Variants in DNAAF9 observed in about 807,000 individuals in gnomAD.
The protein encoded by DNAAF9 is dynein axonemal assembly factor 9.
In DNAAF9, 90 loss-of-function variants were observed where a neutral mutation model predicts 167.0. The observed-to-expected ratio is 0.54, with a 90% confidence interval of 0.45 to 0.64. DNAAF9 has a LOEUF of 0.64. DNAAF9 is among the 30% of genes least tolerant of loss of function. DNAAF9 has a pLI of 0.00. For missense variants in DNAAF9, 1,315 were observed against 1,442.2 expected (o/e 0.91, Z 1.43); for synonymous variants, 491 against 508.8 (o/e 0.96, Z 0.47).
chr20:3,318,337 C>T lies in DNAAF9; in HGVS notation c.1420G>A (p.Val474Ile). 1.2e-6 allele frequency: 2 copies of T among 1,604,262 alleles called. No homozygotes were observed. Among genetic ancestry groups the T allele is most frequent in the South Asian group, 1.1e-5 (1 of 90,838 alleles). ...GAAGTCAAAAATGATTCAGAGAAAA[C>T]CACAGATCCTAAACAACCATTGCCT... ...LGGNGCLGSV[V>I]FSESFLTSQI... The change falls in exon 17 of 37, where the codon GTT (valine) becomes ATT (isoleucine). Residue 474 changes from valine to isoleucine, a missense_variant. Val to Ile is a conservative substitution (Grantham distance 29, BLOSUM62 3). This residue lies in a region of DNAAF9 where 981 missense variants were observed against 1,012.5 expected (regional missense o/e 0.97). Transcript: ENST00000252032.
intron 33 of DNAAF9, among the ~76,000 whole-genome samples, chr20:3,257,967 G>A (rs1313769503): frequency 6.6e-6 from 1 of 152,016 alleles, no homozygotes; most frequent in African/African-American, 2.4e-5. Context: ...GGCCTCAAAT[G>A]ATCTGCCTGC....
chr20:3,352,846 T>TTATA lies in DNAAF9; in HGVS notation c.691-4227_691-4224dup, dbSNP rs11471503. On this transcript the variant is annotated intron_variant, in intron 7 of 36. Coordinates refer to ENST00000252032, the MANE Select transcript of DNAAF9 (RefSeq NM_001009984.3). ...GTTTAAATCTATGAGTTCAAAATAT[T>TTATA]TATATATATATATATATGCATAAAT... Among the ~76,000 whole-genome samples, 1,320 of 146,672 alleles carry TTATA rather than the reference T, an allele frequency of 9.0e-3. 13 individuals carry two copies. Among genetic ancestry groups the TTATA allele is most frequent in the Middle Eastern group, 0.018 (5 of 278 alleles).
intron 14 of DNAAF9, among the ~76,000 whole-genome samples, chr20:3,323,259 C>T (rs1435216004): frequency 6.8e-6 from 1 of 146,990 alleles, no homozygotes; most frequent in Non-Finnish European, 1.5e-5. Flanking sequence ...GTTTGAGGGT[C>T]CTCAGTGAAG....
At chr20:3,326,504 G>A (rs952150516) in intron 12 of DNAAF9, among the ~76,000 whole-genome samples, 2 of 152,086 alleles carry the variant, frequency 1.3e-5, no homozygotes, top group Non-Finnish European at 2.9e-5. Flanking sequence ...GGCTGAGATG[G>A]GCAGATCGCT....
chr20:3,296,571 C>A, intron 23 of DNAAF9: 1 of 383,936 alleles, frequency 2.6e-6, no homozygotes. Context: ...GGGACGGGGT[C>A]TCACTATGTT....
At chr20:3,325,029 TGATG>T in intron 13 of DNAAF9, 61 bp from the exon 14 acceptor site, 1 of 912,748 alleles carries the variant, frequency 1.1e-6, no homozygotes, top group South Asian at 1.3e-5. Flanking sequence ...CACATATCAC[TGATG>T]GAAGGGCCCT....
intron 16 of DNAAF9, among the ~76,000 whole-genome samples, chr20:3,320,766 T>G (rs2069600435): frequency 6.6e-6 from 1 of 152,190 alleles, no homozygotes. Flanking sequence ...CAGGAACTTT[T>G]GAGTTACTTT....
intron 1 of DNAAF9, chr20:3,384,086 C>A (rs1375152684): frequency 6.6e-6 from 1 of 152,248 alleles, no homozygotes; most frequent in Non-Finnish European, 1.5e-5. Flanking sequence ...TGCGCCACCA[C>A]ACCAGGCTGC....
intron 27 of DNAAF9, among the ~76,000 whole-genome samples, chr20:3,284,485 A>C (rs938932552): frequency 6.6e-6 from 1 of 152,068 alleles, no homozygotes; most frequent in Non-Finnish European, 1.5e-5. Context: ...GCCAGGCTAC[A>C]GCTTGTACCG....
At chr20:3,253,248 C>G (rs1284181054) in intron 36 of DNAAF9, among the ~76,000 whole-genome samples, 3 of 152,170 alleles carry the variant, frequency 2.0e-5, no homozygotes, top group African/African-American at 7.2e-5. Context: ...TTGAGACCAG[C>G]CTGACCAACA....
intron 20 of DNAAF9, among the ~76,000 whole-genome samples, chr20:3,307,967 T>TTA (rs1555790312): frequency 4.1e-5 from 5 of 123,436 alleles, no homozygotes; most frequent in Non-Finnish European, 6.6e-5. Flanking sequence ...ACACAAGGTT[T>TTA]AAAAAAAAAA....
In DNAAF9 at chr20:3,253,713, G is replaced by A. The variant is rs537574155; in HGVS notation, c.3421+13C>T. ...CCGGGTTCCACACAGGGACCACGCTGTTCCAAGGATACGTGGGTGAAAATC... is the reference window on the plus strand; with the variant it reads ...CCGGGTTCCACACAGGGACCACGCTATTCCAAGGATACGTGGGTGAAAATC... On this transcript the variant is annotated intron_variant, in intron 36 of 36. Transcript: ENST00000252032. 153 of 1,538,470 alleles carry A rather than the reference G, an allele frequency of 9.9e-5. 1 individual carries two copies. The South Asian group carries it at 1.5e-3, about 15-fold the overall frequency.
chr20:3,285,811 T>C (rs2068843088), intron 27 of DNAAF9, among the ~76,000 whole-genome samples: 1 of 151,080 alleles, frequency 6.6e-6, no homozygotes, highest in Non-Finnish European at 1.5e-5. Flanking sequence ...AAATCTGATC[T>C]CTACTAAAAA....
intron 31 of DNAAF9, among the ~76,000 whole-genome samples, chr20:3,263,489 T>G (rs536955462): frequency 6.6e-6 from 1 of 152,326 alleles, no homozygotes; most frequent in East Asian, 1.9e-4. Context: ...GCACGATGCC[T>G]AAGAGAAAAA....
At chr20:3,356,337 G>C (rs1305139112) in intron 7 of DNAAF9, among the ~76,000 whole-genome samples, 1 of 152,098 alleles carries the variant, frequency 6.6e-6, no homozygotes, top group African/African-American at 2.4e-5. Context: ...GCCTGGTTTA[G>C]AGCCCGGCCA....
rs1568617707 is a variant in DNAAF9, at chr20:3,344,626, CA to C, written c.790-896del. Among the ~76,000 whole-genome samples, 28 of 130,092 alleles carry C rather than the reference CA, an allele frequency of 2.2e-4. 1 individual carries two copies. Among genetic ancestry groups the C allele is most frequent in the South Asian group, 1.4e-3 (6 of 4,340 alleles). 85.3% of individuals were successfully genotyped at this position (130,092 alleles called of 152,430 possible). On this transcript the variant is annotated intron_variant, in intron 8 of 36. Coordinates refer to ENST00000252032, the MANE Select transcript of DNAAF9 (RefSeq NM_001009984.3). ...ACACACACACACACACACACACACA[CA>C]CACACACACACACCTCATGTAGTGA...
chr20:3,313,711 A>G (rs776951125), intron 20 of DNAAF9, among the ~76,000 whole-genome samples: 17 of 152,248 alleles, frequency 1.1e-4, no homozygotes, highest in Non-Finnish European at 2.5e-4. Context: ...AACATATAAA[A>G]TTGAAGGAGA....
chr20:3,333,123 C>T (rs1333707292), intron 10 of DNAAF9, among the ~76,000 whole-genome samples: 1 of 152,158 alleles, frequency 6.6e-6, no homozygotes, highest in African/African-American at 2.4e-5. Context: ...TGTGGGACAG[C>T]TCCAAATTCA....
At chr20:3,269,900 G>A (rs2068561617) in intron 30 of DNAAF9, among the ~76,000 whole-genome samples, 1 of 151,554 alleles carries the variant, frequency 6.6e-6, no homozygotes, top group African/African-American at 2.4e-5. Context: ...GGAGCTTGCA[G>A]TGAGCCGAGA....
Sources: allele counts gnomAD v4.1 joint callset (sites outside exome capture counted in the v4.1 genomes callset), GRCh38; gene constraint gnomAD v4.1.1; regional missense constraint gnomAD v4.1.1; transcripts MANE v1.5; gene names NCBI Gene and HGNC (gene_info 2026-07-23, HGNC 2026-07-21).